ZSWIM5: variants seen among roughly 807,000 people sequenced by gnomAD.
ZSWIM5 encodes zinc finger SWIM-type containing 5.
A neutral mutation model predicts 119.6 loss-of-function variants in ZSWIM5; 55 were observed. The ratio of observed to expected loss-of-function variants is 0.46; its 90% CI spans 0.37 to 0.58. The LOEUF (loss-of-function observed/expected upper bound fraction) is 0.58, where lower values mean the gene tolerates loss of function less well. ZSWIM5 is among the 20% of genes least tolerant of loss of function. The pLI is 0.00. For synonymous variants in ZSWIM5, 537 were observed against 606.9 expected (o/e 0.88, Z 1.69); for missense variants, 1,193 against 1,512.8 (o/e 0.79, Z 3.51).
At chr1:45,026,848 C>A (rs994868231) in intron 11 of ZSWIM5, among the ~76,000 whole-genome samples, 1 of 151,994 alleles carries the variant, frequency 6.6e-6, no homozygotes. Flanking sequence ...CTGAGCCTGG[C>A]GCTTTCTGTT....
intron 2 of ZSWIM5, among the ~76,000 whole-genome samples, chr1:45,084,777 G>A (rs1187143238): frequency 2.0e-5 from 3 of 152,224 alleles, no homozygotes; most frequent in African/African-American, 7.2e-5. Context: ...CTAAGGCCTT[G>A]AGCAGCTCCA....
intron 1 of ZSWIM5, among the ~76,000 whole-genome samples, chr1:45,133,761 T>C (rs1253230128): frequency 6.6e-6 from 1 of 151,880 alleles, no homozygotes; most frequent in African/African-American, 2.4e-5. Flanking sequence ...ATTTAAGTCT[T>C]TAATCCATCT....
chr1:45,096,434 T>TTGTGTG (rs112308838), intron 1 of ZSWIM5, among the ~76,000 whole-genome samples: 2,684 of 144,416 alleles, frequency 0.019, 67 homozygotes, highest in African/African-American at 0.061. Context: ...AGATAACTGT[T>TTGTGTG]TGTGTGTGTG....
At chr1:45,166,787 G>A (rs1645906813) in intron 1 of ZSWIM5, among the ~76,000 whole-genome samples, 1 of 151,420 alleles carries the variant, frequency 6.6e-6, no homozygotes, top group African/African-American at 2.4e-5. Flanking sequence ...CCTCTTCAAG[G>A]AGAACTACAA....
chr1:45,175,144 G>A lies in ZSWIM5; in HGVS notation c.595+30612C>T, dbSNP rs549820894. 5.9e-5 allele frequency among the ~76,000 whole-genome samples: 9 copies of A among 152,166 alleles called. No homozygotes were observed. In the East Asian group the frequency reaches 1.7e-3, roughly 29 times the overall value. On this transcript the variant is annotated intron_variant, in intron 1 of 13. Coordinates refer to ENST00000359600, the MANE Select transcript of ZSWIM5 (RefSeq NM_020883.2). Reference sequence around the variant, plus strand: ...ACTTCTGATACTTACGAAGACTTCAGGCTAGCTATTTTGAAGAATGTCCCT... The same window carrying A: ...ACTTCTGATACTTACGAAGACTTCAAGCTAGCTATTTTGAAGAATGTCCCT...
Position 45,019,668 on chromosome 1 carries a change from T to A in ZSWIM5, c.2696-352A>T, listed in dbSNP as rs1644875429. ...AGTGGGGCCTCTCAGGGTAGAGTCT[T>A]GTGCTGGGGCTTTGGGCTTTAGAAA... On this transcript the variant is annotated intron_variant, in intron 13 of 13. Transcript: ENST00000359600. This position sits in a 1 kb window ranked among gnomAD's most constrained non-coding sequence, Gnocchi z 5.0. Among the ~76,000 whole-genome samples the A allele has an allele frequency of 6.6e-6, 1 of 152,138 alleles. No individual in the cohort carries two copies. The highest frequency in any genetic ancestry group is 2.1e-4 in the South Asian group (1 of 4,824).
intron 2 of ZSWIM5, among the ~76,000 whole-genome samples, chr1:45,074,778 C>T (rs1158047228): frequency 2.6e-5 from 4 of 151,462 alleles, no homozygotes; most frequent in Non-Finnish European, 5.9e-5. Flanking sequence ...TTTGCTCTTG[C>T]TTTTCTAGTT....
intron 2 of ZSWIM5, among the ~76,000 whole-genome samples, chr1:45,062,436 A>T (rs1645158301): frequency 6.6e-6 from 1 of 152,174 alleles, no homozygotes; most frequent in Non-Finnish European, 1.5e-5. Flanking sequence ...ATTAACACAT[A>T]TGATCTGCCA....
chr1:45,020,488 C>T, intron 12 of ZSWIM5, 137 bp downstream of exon 12: 1 of 1,094,552 alleles, frequency 9.1e-7, no homozygotes, highest in East Asian at 2.4e-5. Flanking sequence ...TGCCTTTTCC[C>T]TAGCCTAGAA....
chr1:45,020,746 T>C lies in ZSWIM5; in HGVS notation c.2492A>G (p.Lys831Arg), dbSNP rs1397138136. ...RLRTILEAIQ[K>R]HIHSSSLIFK... ...GATGAGGGAGGAAGAATGAATGTGC[T>C]TCTGTATTGCTTCCAGAATTGTTCG... Residue 831 changes from lysine to arginine, a missense_variant, in exon 12 of 14, where the codon AAG becomes AGG. Lys to Arg is a conservative substitution (Grantham distance 26). This residue lies in a region of ZSWIM5 where 961 missense variants were observed against 1,290.0 expected (regional missense o/e 0.74). Transcript: ENST00000359600. 1.2e-6 allele frequency: 2 copies of C among 1,614,204 alleles called. No homozygotes were observed. Among genetic ancestry groups the C allele is most frequent in the East Asian group, 4.5e-5 (2 of 44,884 alleles).
intron 2 of ZSWIM5, among the ~76,000 whole-genome samples, chr1:45,063,421 A>G (rs1159115634): frequency 6.6e-6 from 1 of 152,276 alleles, no homozygotes; most frequent in African/African-American, 2.4e-5. Flanking sequence ...TCCCTGCTCA[A>G]AAGTATTCAG....
At chr1:45,034,543 C>A in intron 10 of ZSWIM5, 74 bp from the exon 11 acceptor site, 2 of 1,509,138 alleles carry the variant, frequency 1.3e-6, no homozygotes, top group South Asian at 2.7e-5. Context: ...GAAGCTTGCT[C>A]TTTGCTGGGG....
At chr1:45,197,900 C>T (rs772846838) in intron 1 of ZSWIM5, among the ~76,000 whole-genome samples, 1 of 152,158 alleles carries the variant, frequency 6.6e-6, no homozygotes, top group Non-Finnish European at 1.5e-5. Context: ...AATGGTGAAA[C>T]CACTGATGCT....
At chr1:45,149,913 A>G (rs570593695) in intron 1 of ZSWIM5, among the ~76,000 whole-genome samples, 57 of 152,144 alleles carry the variant, frequency 3.7e-4, no homozygotes, top group Non-Finnish European at 6.0e-4. Context: ...GCTCACACCT[A>G]TAACTCCAGC....
intron 1 of ZSWIM5, among the ~76,000 whole-genome samples, chr1:45,185,446 G>A (rs57805650): frequency 6.7e-6 from 1 of 150,236 alleles, no homozygotes; most frequent in Non-Finnish European, 1.5e-5. Flanking sequence ...AAGAAACTAC[G>A]ATCAGAGTGA....
chr1:45,116,978 C>T (rs1407527601), intron 1 of ZSWIM5, among the ~76,000 whole-genome samples: 5 of 152,072 alleles, frequency 3.3e-5, no homozygotes, highest in South Asian at 2.1e-4. Flanking sequence ...AGGTAACACA[C>T]GTAGTCAAAA....
At position 45,099,356 on chromosome 1, in the gene ZSWIM5, T is replaced by C. The variant is rs556326411; in HGVS notation, c.596-11119A>G. On this transcript the variant is annotated intron_variant, in intron 1 of 13. Transcript: ENST00000359600. ...TTCCCAAGACTAAACCAGGAAGAAA[T>C]TGAATCTCTGAATAGACCAATAACA... 3.3e-4 allele frequency among the ~76,000 whole-genome samples: 50 copies of C among 152,218 alleles called. No homozygotes were observed. In the South Asian group the frequency reaches 8.9e-3, roughly 27 times the overall value.
At chr1:45,037,896 T>C (rs1434496343) in intron 8 of ZSWIM5, among the ~76,000 whole-genome samples, 2 of 152,302 alleles carry the variant, frequency 1.3e-5, no homozygotes, top group East Asian at 1.9e-4. Context: ...GTTTCTTTTC[T>C]TTTCTCCCTC....
chr1:45,107,263 G>A (rs988319524), intron 1 of ZSWIM5, among the ~76,000 whole-genome samples: 10 of 152,068 alleles, frequency 6.6e-5, no homozygotes, highest in Non-Finnish European at 1.0e-4. Context: ...GAAACATTTC[G>A]TGTATAAAAA....
Sources: allele counts gnomAD v4.1 joint callset (sites outside exome capture counted in the v4.1 genomes callset), GRCh38; gene constraint gnomAD v4.1.1; regional missense constraint gnomAD v4.1.1; non-coding constraint Gnocchi (gnomAD v3.1); transcripts MANE v1.5; gene names NCBI Gene and HGNC (gene_info 2026-07-23, HGNC 2026-07-21).